Variants in SLC71A2 observed in about 807,000 individuals in gnomAD.
The protein encoded by SLC71A2 is solute carrier family 71 member 2.
the SLC71A2 span, among the ~76,000 whole-genome samples, chr9:94,394,937 G>T: frequency 1.5e-5 from 1 of 67,564 alleles, no homozygotes; most frequent in Non-Finnish European, 3.0e-5. Flanking sequence ...TTTTTGAGAC[G>T]GTGTCTTGCT....
At chr9:94,440,160 ATTTTTTTTTTTG>A in the SLC71A2 span, among the ~76,000 whole-genome samples, 44 of 147,392 alleles carry the variant, frequency 3.0e-4, no homozygotes, top group Admixed American at 1.8e-3. Context: ...CTTTTCTCTT[ATTTTTTTTTTTG>A]AGACGGAGTC....
chr9:94,375,740 T>C, the SLC71A2 span, among the ~76,000 whole-genome samples: 7 of 150,862 alleles, frequency 4.6e-5, no homozygotes, highest in African/African-American at 1.7e-4. Context: ...TAAATACATG[T>C]TTTTGGCTTT....
the SLC71A2 span, among the ~76,000 whole-genome samples, chr9:94,424,917 T>G: frequency 2.7e-5 from 3 of 111,052 alleles, no homozygotes; most frequent in African/African-American, 8.1e-5. Context: ...TTTTTTTTTT[T>G]TAAATAATAA....
At chr9:94,416,151 A>G in the SLC71A2 span, among the ~76,000 whole-genome samples, 11 of 152,218 alleles carry the variant, frequency 7.2e-5, no homozygotes, top group Non-Finnish European at 1.6e-4. Context: ...GCTTACAACT[A>G]TTTAACACTT....
the SLC71A2 span, among the ~76,000 whole-genome samples, chr9:94,455,813 G>A: frequency 6.6e-6 from 1 of 152,142 alleles, no homozygotes; most frequent in Non-Finnish European, 1.5e-5. Flanking sequence ...TCTCTGTTGA[G>A]GGGTAGCAAG....
the SLC71A2 span, among the ~76,000 whole-genome samples, chr9:94,447,488 T>G: frequency 6.6e-6 from 1 of 151,398 alleles, no homozygotes; most frequent in Admixed American, 6.6e-5. Flanking sequence ...CCTGTTTTTT[T>G]TTTTTTTTTT....
At chr9:94,397,710 A>T in the SLC71A2 span, among the ~76,000 whole-genome samples, 1 of 152,110 alleles carries the variant, frequency 6.6e-6, no homozygotes, top group African/African-American at 2.4e-5. Flanking sequence ...GTTGAGGAGG[A>T]CTCATCAAGT....
the SLC71A2 span, among the ~76,000 whole-genome samples, chr9:94,376,331 T>TA: frequency 6.6e-6 from 1 of 151,324 alleles, no homozygotes; most frequent in Non-Finnish European, 1.5e-5. Context: ...TTTAGGTTTT[T>TA]ATCCTCTCCT....
At chr9:94,386,278 C>T in the SLC71A2 span, among the ~76,000 whole-genome samples, 5 of 142,466 alleles carry the variant, frequency 3.5e-5, no homozygotes, top group Admixed American at 7.0e-5. Context: ...GTGTTTGTAT[C>T]GTTTTTCTGC....
chr9:94,380,092 C>G, the SLC71A2 span, among the ~76,000 whole-genome samples: 10 of 152,160 alleles, frequency 6.6e-5, no homozygotes, highest in East Asian at 1.9e-3. Flanking sequence ...GCGGTGAAAC[C>G]CTGTCTCTAC....
the SLC71A2 span, among the ~76,000 whole-genome samples, chr9:94,458,731 G>A: frequency 2.8e-4 from 43 of 152,322 alleles, no homozygotes; most frequent in South Asian, 1.7e-3. Flanking sequence ...GCCCAGGCTA[G>A]TTAAAATTTG....
the SLC71A2 span, among the ~76,000 whole-genome samples, chr9:94,406,209 A>G: frequency 1.0e-4 from 15 of 150,408 alleles, no homozygotes; most frequent in Non-Finnish European, 2.2e-4. Context: ...ATGGGACCAC[A>G]GGTGTGCGCC....
chr9:94,428,969 T>G, the SLC71A2 span, among the ~76,000 whole-genome samples: 2 of 152,042 alleles, frequency 1.3e-5, no homozygotes, highest in Admixed American at 1.3e-4. Context: ...ACTATGTGCA[T>G]TTGAGGTTCC....
chr9:94,399,845 G>A, the SLC71A2 span, among the ~76,000 whole-genome samples: 1 of 145,842 alleles, frequency 6.9e-6, no homozygotes, highest in African/African-American at 2.5e-5. Flanking sequence ...CGCTTTTGTT[G>A]CCCAGGCTGG....
the SLC71A2 span, among the ~76,000 whole-genome samples, chr9:94,449,543 A>G: frequency 6.6e-6 from 1 of 152,190 alleles, no homozygotes; most frequent in East Asian, 1.9e-4. Context: ...CAATGAGATA[A>G]CCATTTCACA....
the SLC71A2 span, among the ~76,000 whole-genome samples, chr9:94,429,753 G>A: frequency 2.6e-5 from 4 of 151,764 alleles, no homozygotes; most frequent in Non-Finnish European, 4.4e-5. Flanking sequence ...TGTTTGCACC[G>A]AGAATACTCG....
At chr9:94,397,846 G>A in the SLC71A2 span, among the ~76,000 whole-genome samples, 4 of 152,352 alleles carry the variant, frequency 2.6e-5, no homozygotes, top group African/African-American at 7.2e-5. Context: ...CATATCAACA[G>A]TATGTGCCAC....
At chr9:94,447,694 T>A in the SLC71A2 span, among the ~76,000 whole-genome samples, 29,169 of 152,018 alleles carry the variant, frequency 0.19, 2,976 homozygotes, top group Middle Eastern at 0.28. Flanking sequence ...GTCCACAGTT[T>A]ACATTAGGGT....
chr9:94,451,005 C>CTGCTCTCCTTCCCT, the SLC71A2 span, among the ~76,000 whole-genome samples: 1 of 152,316 alleles, frequency 6.6e-6, no homozygotes, highest in East Asian at 1.9e-4. Context: ...CAGCATCTCA[C>CTGCTCTCCTTCCCT]TGCTCTCCTT....
Sources: allele counts gnomAD v4.1 joint callset (sites outside exome capture counted in the v4.1 genomes callset), GRCh38; gene constraint gnomAD v4.1.1; transcripts MANE v1.5; gene names NCBI Gene and HGNC (gene_info 2026-07-23, HGNC 2026-07-21).